Variants in ARB2A observed in about 807,000 individuals in gnomAD.
ARB2A encodes ARB2 cotranscriptional regulator A.
the ARB2A span, among the ~76,000 whole-genome samples, chr5:93,674,413 C>A: frequency 6.6e-6 from 1 of 152,202 alleles, no homozygotes; most frequent in Non-Finnish European, 1.5e-5. Context: ...CGTGATTAAT[C>A]AAAAATGTAT....
chr5:93,844,121 A>C, the ARB2A span, among the ~76,000 whole-genome samples: 5 of 129,996 alleles, frequency 3.8e-5, no homozygotes, highest in Non-Finnish European at 7.7e-5. Context: ...ATAAAAAAAC[A>C]AAAAAAAAAA....
At chr5:93,729,454 G>C in the ARB2A span, among the ~76,000 whole-genome samples, 2 of 152,100 alleles carry the variant, frequency 1.3e-5, no homozygotes, top group African/African-American at 4.8e-5. Context: ...GGAAAATCAG[G>C]AGTTGGTTTG....
the ARB2A span, chr5:93,683,355 C>T: frequency 2.1e-5 from 34 of 1,603,706 alleles, no homozygotes; most frequent in African/African-American, 2.5e-4. Context: ...GACTCTGCAT[C>T]TTCCTCCACA....
the ARB2A span, among the ~76,000 whole-genome samples, chr5:93,868,825 A>AACT: frequency 6.6e-6 from 1 of 152,236 alleles, no homozygotes; most frequent in East Asian, 1.9e-4. Context: ...GTATAGAAGG[A>AACT]ACTACTGCTT....
the ARB2A span, among the ~76,000 whole-genome samples, chr5:93,625,074 G>A: frequency 3.9e-5 from 6 of 152,112 alleles, no homozygotes; most frequent in Non-Finnish European, 7.4e-5. Flanking sequence ...AAGCATACCT[G>A]TATCAGCCCG....
the ARB2A span, chr5:93,619,450 G>A: frequency 6.6e-6 from 1 of 152,142 alleles, no homozygotes; most frequent in African/African-American, 2.4e-5. Context: ...GTTGAAATCG[G>A]TTCATAATAT....
chr5:94,099,677 C>T, the ARB2A span, among the ~76,000 whole-genome samples: 1 of 137,394 alleles, frequency 7.3e-6, no homozygotes, highest in African/African-American at 2.7e-5. Context: ...TGTGATTCAT[C>T]ACATAAACAG....
At chr5:94,087,509 A>G in the ARB2A span, among the ~76,000 whole-genome samples, 1 of 152,230 alleles carries the variant, frequency 6.6e-6, no homozygotes, top group African/African-American at 2.4e-5. Context: ...GCCTAAGTGT[A>G]CTGTAAAGTA....
chr5:93,952,948 TC>T, the ARB2A span, among the ~76,000 whole-genome samples: 1 of 152,202 alleles, frequency 6.6e-6, no homozygotes, highest in Non-Finnish European at 1.5e-5. Flanking sequence ...CACACATTCT[TC>T]AGTCTTTCAA....
the ARB2A span, among the ~76,000 whole-genome samples, chr5:93,775,645 C>T: frequency 1.3e-4 from 20 of 152,346 alleles, 1 homozygote; most frequent in Middle Eastern, 3.4e-3. Context: ...CCTGCTGTTG[C>T]TCCTTAAATT....
chr5:93,707,333 G>A, the ARB2A span, among the ~76,000 whole-genome samples: 1 of 152,188 alleles, frequency 6.6e-6, no homozygotes, highest in Non-Finnish European at 1.5e-5. Context: ...GATCTACTTG[G>A]TAAGATTGGG....
the ARB2A span, among the ~76,000 whole-genome samples, chr5:94,069,316 C>T: frequency 6.6e-6 from 1 of 152,072 alleles, no homozygotes; most frequent in African/African-American, 2.4e-5. Flanking sequence ...AAATGTAAGA[C>T]CTGAAATTAC....
chr5:93,654,793 AC>A, the ARB2A span, among the ~76,000 whole-genome samples: 3 of 152,332 alleles, frequency 2.0e-5, no homozygotes, highest in East Asian at 3.9e-4. Flanking sequence ...CATTCTGAGA[AC>A]CATTTTTCCC....
chr5:93,872,713 C>G, the ARB2A span, among the ~76,000 whole-genome samples: 3 of 151,650 alleles, frequency 2.0e-5, no homozygotes, highest in Non-Finnish European at 2.9e-5. Context: ...GTCATGAGAT[C>G]GAGACCATCC....
chr5:93,794,497 G>A, the ARB2A span, among the ~76,000 whole-genome samples: 4 of 152,086 alleles, frequency 2.6e-5, no homozygotes, highest in East Asian at 5.8e-4. Context: ...TTAAAGAACC[G>A]TGTTTTGTCA....
chr5:93,694,072 A>G, the ARB2A span, among the ~76,000 whole-genome samples: 7 of 151,498 alleles, frequency 4.6e-5, no homozygotes, highest in Non-Finnish European at 7.4e-5. Flanking sequence ...TATGACAAAC[A>G]GCCAATACGA....
At chr5:94,003,258 G>A in the ARB2A span, among the ~76,000 whole-genome samples, 1 of 151,946 alleles carries the variant, frequency 6.6e-6, no homozygotes, top group Non-Finnish European at 1.5e-5. Flanking sequence ...TATATTTAAT[G>A]GCAAAAGACT....
At chr5:94,012,489 C>T in the ARB2A span, among the ~76,000 whole-genome samples, 7 of 152,144 alleles carry the variant, frequency 4.6e-5, no homozygotes, top group Non-Finnish European at 1.0e-4. Context: ...ACTCTTGCAC[C>T]TCTGCCTCTG....
At chr5:93,637,746 T>G in the ARB2A span, among the ~76,000 whole-genome samples, 14 of 152,228 alleles carry the variant, frequency 9.2e-5, no homozygotes, top group Non-Finnish European at 1.8e-4. Flanking sequence ...TTAGAATAAT[T>G]TTGTCTATAT....
Sources: gnomAD v4.1 joint callset for allele counts (sites outside exome capture counted in the v4.1 genomes callset) on GRCh38, gnomAD v4.1.1 for gene constraint, MANE v1.5 for transcripts, NCBI Gene and HGNC (gene_info 2026-07-23, HGNC 2026-07-21) for gene names.